ROBO1: variants seen among roughly 807,000 people sequenced by gnomAD.
The protein encoded by ROBO1 is roundabout guidance receptor 1.
In ROBO1, 149 loss-of-function variants were observed where a neutral mutation model predicts 195.9. The observed-to-expected ratio is 0.76, with a 90% CI of 0.67 to 0.87. ROBO1 has a LOEUF of 0.87. Ranked by LOEUF, ROBO1 falls within the 40% of genes least tolerant of loss-of-function variation. The pLI, the probability that ROBO1 is intolerant of heterozygous loss-of-function variation, is 0.00. For missense variants in ROBO1, 1,933 were observed against 2,068.3 expected (o/e 0.93, Z 1.27); for synonymous variants, 816 against 733.2 (o/e 1.11, Z -1.82).
At position 79,017,238 on chromosome 3, in the gene ROBO1, C is replaced by T. The variant is rs191504708; in HGVS notation, c.173-78311G>A. 1.9e-3 allele frequency among the ~76,000 whole-genome samples: 287 copies of T among 152,256 alleles called. 1 individual carries two copies. Among genetic ancestry groups the T allele is most frequent in the Non-Finnish European group, 3.0e-3 (203 of 68,040 alleles). ...GGTTTATTCGCTATCATTTAGCTGA[C>T]GTATGTGGTTTTTTTCCCCCCTTTT... On this transcript the variant is annotated intron_variant, in intron 3 of 30. Coordinates refer to ENST00000464233, the MANE Select transcript of ROBO1 (RefSeq NM_002941.4).
chr3:79,331,274 A>G (rs2034429124), intron 2 of ROBO1, among the ~76,000 whole-genome samples: 1 of 152,198 alleles, frequency 6.6e-6, no homozygotes, highest in South Asian at 2.1e-4. Context: ...AAAAAACCCA[A>G]TTTGATGTTG....
chr3:79,137,101 A>C (rs967991920), intron 2 of ROBO1, among the ~76,000 whole-genome samples: 1 of 152,114 alleles, frequency 6.6e-6, no homozygotes, highest in African/African-American at 2.4e-5. Flanking sequence ...CGTTTCTTTC[A>C]AAGATAGAAG....
At chr3:78,927,160 G>C (rs9835586) in intron 4 of ROBO1, among the ~76,000 whole-genome samples, 1 of 152,032 alleles carries the variant, frequency 6.6e-6, no homozygotes, top group East Asian at 1.9e-4. Flanking sequence ...TGTCGGTAAA[G>C]CTCCATATTT....
chr3:79,184,515 A>G (rs2081401036), intron 2 of ROBO1, among the ~76,000 whole-genome samples: 1 of 152,122 alleles, frequency 6.6e-6, no homozygotes, highest in Non-Finnish European at 1.5e-5. Context: ...CAATGACAGA[A>G]ATTCCATCTG....
At chr3:79,081,808 C>T (rs2079279896) in intron 3 of ROBO1, among the ~76,000 whole-genome samples, 1 of 152,118 alleles carries the variant, frequency 6.6e-6, no homozygotes, top group South Asian at 2.1e-4. Context: ...AGGATGGCTT[C>T]TTCATCAATT....
chr3:79,027,397 TA>T (rs1285404614), intron 3 of ROBO1, among the ~76,000 whole-genome samples: 6 of 152,098 alleles, frequency 3.9e-5, no homozygotes, highest in Non-Finnish European at 7.4e-5. Context: ...TTATTTATTT[TA>T]TAACCTATTA....
At chr3:79,519,485 C>T (rs566190559) in intron 2 of ROBO1, among the ~76,000 whole-genome samples, 2 of 151,462 alleles carry the variant, frequency 1.3e-5, no homozygotes, top group South Asian at 2.1e-4. Context: ...AAAAATTAGC[C>T]GGGCGTGGTG....
intron 27 of ROBO1, among the ~76,000 whole-genome samples, chr3:78,617,172 T>C (rs1211572016): frequency 6.6e-6 from 1 of 152,140 alleles, no homozygotes; most frequent in African/African-American, 2.4e-5. Flanking sequence ...TCTACTTGGA[T>C]ATTTATGTAT....
At chr3:79,371,976 A>C (rs1461945894) in intron 2 of ROBO1, among the ~76,000 whole-genome samples, 1 of 152,108 alleles carries the variant, frequency 6.6e-6, no homozygotes, top group African/African-American at 2.4e-5. Flanking sequence ...TTAGATTCTC[A>C]TAGGGAGCAG....
intron 2 of ROBO1, among the ~76,000 whole-genome samples, chr3:79,454,981 C>T (rs1421290256): frequency 6.6e-6 from 1 of 152,078 alleles, no homozygotes; most frequent in Non-Finnish European, 1.5e-5. Flanking sequence ...CAGAGGTTGG[C>T]AAGAGTTTCT....
chr3:78,845,890 G>C (rs888362143), intron 4 of ROBO1, among the ~76,000 whole-genome samples: 14 of 152,114 alleles, frequency 9.2e-5, no homozygotes, highest in African/African-American at 3.4e-4. Flanking sequence ...AATGTGTTCA[G>C]AATTCTTCAG....
At chr3:79,270,113 A>G (rs1195233971) in intron 2 of ROBO1, among the ~76,000 whole-genome samples, 2 of 151,696 alleles carry the variant, frequency 1.3e-5, no homozygotes, top group African/African-American at 4.8e-5. Flanking sequence ...CGACTAGGAC[A>G]TGAAAAGAAA....
intron 2 of ROBO1, among the ~76,000 whole-genome samples, chr3:79,278,420 T>TATCA (rs2031239990): frequency 6.6e-6 from 1 of 150,988 alleles, no homozygotes; most frequent in Non-Finnish European, 1.5e-5. Flanking sequence ...AAGCTGGAGG[T>TATCA]ATCACAAGAC....
At position 78,947,623 on chromosome 3, in the gene ROBO1, C is replaced by G. The variant is rs1037017100; in HGVS notation, c.173-8696G>C. ...GTCACAATTAAAAGAACCAGAAAAG[C>G]AAAAGTAAACACATTCAAAAGCTAG... On this transcript the variant is annotated intron_variant, in intron 3 of 30. Coordinates refer to ENST00000464233, the MANE Select transcript of ROBO1 (RefSeq NM_002941.4). Among the ~76,000 whole-genome samples the G allele has an allele frequency of 2.6e-5, 4 of 151,998 alleles. 1 individual carries two copies. The highest frequency in any genetic ancestry group is 2.0e-4 in the Admixed American group (3 of 15,250).
At chr3:78,836,555 A>G (rs1328155544) in intron 4 of ROBO1, among the ~76,000 whole-genome samples, 1 of 151,586 alleles carries the variant, frequency 6.6e-6, no homozygotes, top group Non-Finnish European at 1.5e-5. Context: ...CCTCCTATTG[A>G]ATAGTTTCCA....
At chr3:78,845,796 A>T (rs900932039) in intron 4 of ROBO1, among the ~76,000 whole-genome samples, 1 of 152,176 alleles carries the variant, frequency 6.6e-6, no homozygotes, top group Admixed American at 6.6e-5. Flanking sequence ...GGAAAAGTGC[A>T]ATAAACTGCC....
At chr3:78,882,518 G>A (rs1211244459) in intron 4 of ROBO1, among the ~76,000 whole-genome samples, 1 of 152,014 alleles carries the variant, frequency 6.6e-6, no homozygotes, top group Non-Finnish European at 1.5e-5. Context: ...TTGAGCATAA[G>A]GCCATCATGC....
At chr3:79,079,182 T>C (rs1008475516) in intron 3 of ROBO1, among the ~76,000 whole-genome samples, 4 of 151,832 alleles carry the variant, frequency 2.6e-5, no homozygotes, top group African/African-American at 9.7e-5. Flanking sequence ...GGAATAAAAG[T>C]ATTTATTAGA....
intron 2 of ROBO1, among the ~76,000 whole-genome samples, chr3:79,266,294 T>C (rs1470026154): frequency 6.6e-6 from 1 of 151,620 alleles, no homozygotes; most frequent in Admixed American, 6.6e-5. Flanking sequence ...GTGTTTTAAT[T>C]AAATGATATT....
Sources: allele counts gnomAD v4.1 joint callset (sites outside exome capture counted in the v4.1 genomes callset), GRCh38; gene constraint gnomAD v4.1.1; transcripts MANE v1.5; gene names NCBI Gene and HGNC (gene_info 2026-07-23, HGNC 2026-07-21).